ABCC11: variants seen among roughly 807,000 people sequenced by gnomAD.
ABCC11 encodes ATP-binding cassette sub-family C member 11.
Under a neutral mutation model 149.3 loss-of-function variants are expected in ABCC11, and 135 were observed. That is an observed-to-expected ratio of 0.90 (90% CI 0.79 to 1.04). The LOEUF is 1.04. Ranked by LOEUF, ABCC11 falls within the 50% of genes least tolerant of loss-of-function variation. The probability of loss-of-function intolerance (pLI) is 0.00; values close to 1 mark genes in which losing one functional copy is unlikely to be tolerated. For missense variants in ABCC11, 1,680 were observed against 1,722.1 expected (o/e 0.98, Z 0.43); for synonymous variants, 665 against 671.4 (o/e 0.99, Z 0.15).
intron 3 of ABCC11, 103 bp from the exon 4 acceptor site, chr16:48,228,067 A>G: frequency 9.0e-7 from 1 of 1,116,654 alleles, no homozygotes; most frequent in South Asian, 1.7e-5. Context: ...AGATCTACAC[A>G]CAAACATGTT....
At chr16:48,177,260 G>T in intron 24 of ABCC11, 147 bp from the exon 25 acceptor site, 1 of 799,676 alleles carries the variant, frequency 1.3e-6, no homozygotes, top group Non-Finnish European at 1.9e-6. Flanking sequence ...TGTAATCAGA[G>T]GAACATCGCC....
intron 22 of ABCC11, among the ~76,000 whole-genome samples, chr16:48,185,971 C>T (rs1340008161): frequency 6.6e-6 from 1 of 152,190 alleles, no homozygotes; most frequent in Admixed American, 6.5e-5. Context: ...ATCTCAGGGT[C>T]CTTTTCTCTG....
intron 26 of ABCC11, among the ~76,000 whole-genome samples, chr16:48,171,602 T>C (rs1260569559): frequency 6.6e-6 from 1 of 152,262 alleles, no homozygotes; most frequent in Non-Finnish European, 1.5e-5. Context: ...CTTAAAAGTG[T>C]ACAATTCAGC....
intron 22 of ABCC11, 53 bp downstream of exon 22, chr16:48,186,900 T>G: frequency 6.2e-7 from 1 of 1,602,768 alleles, no homozygotes; most frequent in Non-Finnish European, 8.5e-7. Flanking sequence ...CTTTCCCTGC[T>G]CCCCACCACC....
In ABCC11 at chr16:48,198,015, T is replaced by C. The variant is rs2150808765; in HGVS notation, c.2270A>G (p.Gln757Arg). ...CTCTTCCAGGGAGGTGGCCAGAGCCTGACTTTCTACCTTTGGCTTCTCTGC... is the reference window on the plus strand; with the variant it reads ...CTCTTCCAGGGAGGTGGCCAGAGCCCGACTTTCTACCTTTGGCTTCTCTGC... Reference protein sequence around the residue: ...KIAEKPKVESQALATSLEESL... With the variant: ...KIAEKPKVESRALATSLEESL... The change falls in exon 17 of 30, where the codon CAG becomes CGG. Residue 757 changes from glutamine (Q) to arginine (R), a missense_variant. Coordinates refer to ENST00000356608, the MANE Select transcript of ABCC11 (RefSeq NM_001370497.1). The C allele has an allele frequency of 1.2e-6, 2 of 1,614,218 alleles. No homozygotes were observed. Among genetic ancestry groups the C allele is most frequent in the Non-Finnish European group, 8.5e-7 (1 of 1,180,038 alleles).
In ABCC11 at chr16:48,187,438, A is replaced by G. The variant is rs766978109; in HGVS notation, c.2707-11T>C. On this transcript the variant is annotated splice_polypyrimidine_tract_variant and intron_variant, in intron 20 of 29. Transcript: ENST00000356608. The stretch of plus-strand genomic sequence containing the variant: ...GGGGCAGCGGAAAACCTGCAGGGAC[A>G]AAATCAACGCAGACCATGAGAGAAG... 1.1e-5 allele frequency: 18 copies of G among 1,596,674 alleles called. No individual in the cohort carries two copies. Among genetic ancestry groups the G allele is most frequent in the Admixed American group, 3.4e-5 (2 of 58,314 alleles).
At chr16:48,193,468 T>G (rs577939572) in intron 19 of ABCC11, among the ~76,000 whole-genome samples, 1 of 152,088 alleles carries the variant, frequency 6.6e-6, no homozygotes, top group Non-Finnish European at 1.5e-5. Context: ...CCTCTGAATG[T>G]GGGTGGGGAG....
At chr16:48,213,716 A>G (rs559183606) in intron 9 of ABCC11, among the ~76,000 whole-genome samples, 166 bp from the exon 10 acceptor site, 25 of 152,342 alleles carry the variant, frequency 1.6e-4, no homozygotes, top group Middle Eastern at 3.4e-3. Flanking sequence ...CTGGGGAAAG[A>G]GCACTCGTCC....
At chr16:48,205,684 C>T (rs1567519562) in intron 12 of ABCC11, 147 bp from the exon 13 acceptor site, 9 of 1,061,722 alleles carry the variant, frequency 8.5e-6, no homozygotes, top group Non-Finnish European at 1.2e-5. Flanking sequence ...GTGGCCCTAC[C>T]AGGCCCACCA....
chr16:48,186,698 T>TA (rs1405172538), intron 22 of ABCC11, among the ~76,000 whole-genome samples: 1 of 152,250 alleles, frequency 6.6e-6, no homozygotes, highest in East Asian at 1.9e-4. Flanking sequence ...TATGTATACA[T>TA]ATGTCCATAT....
chr16:48,167,448 G>GCAGC, intron 29 of ABCC11, 48 bp downstream of exon 29: 3 of 1,612,164 alleles, frequency 1.9e-6, no homozygotes, highest in Non-Finnish European at 2.5e-6. Context: ...ATCTGGGGTA[G>GCAGC]CAGCCTGAGC....
intron 1 of ABCC11, among the ~76,000 whole-genome samples, chr16:48,242,199 G>GA (rs1309371857): frequency 3.9e-5 from 6 of 152,128 alleles, no homozygotes; most frequent in South Asian, 2.1e-4. Context: ...AAGTTTACAA[G>GA]AAAAAATCAA....
chr16:48,194,312 G>A (rs925800528), intron 18 of ABCC11, among the ~76,000 whole-genome samples: 15 of 152,278 alleles, frequency 9.9e-5, no homozygotes, highest in African/African-American at 3.1e-4. Flanking sequence ...GAAGCACTCA[G>A]CCCAGTGCCT....
chr16:48,244,340 C>A, intron 1 of ABCC11: 1 of 1,368,658 alleles, frequency 7.3e-7, no homozygotes, highest in South Asian at 1.4e-5. Context: ...CCGGGGGCAG[C>A]TGTCTGTCTG....
intron 28 of ABCC11, among the ~76,000 whole-genome samples, chr16:48,168,425 C>G (rs755738694): frequency 2.0e-5 from 3 of 152,192 alleles, no homozygotes; most frequent in Non-Finnish European, 4.4e-5. Context: ...CCACTGAGCT[C>G]TTTTCCCACA....
intron 1 of ABCC11, among the ~76,000 whole-genome samples, chr16:48,240,079 G>A (rs963344993): frequency 1.3e-5 from 2 of 152,336 alleles, no homozygotes; most frequent in Admixed American, 6.5e-5. Flanking sequence ...GTTGGTGAGA[G>A]TGTAAATTAG....
intron 12 of ABCC11, among the ~76,000 whole-genome samples, chr16:48,206,640 G>A (rs919865479): frequency 1.3e-5 from 2 of 152,176 alleles, no homozygotes; most frequent in Admixed American, 1.3e-4. Context: ...AAAGTGACAG[G>A]CTCATTTACA....
intron 6 of ABCC11, among the ~76,000 whole-genome samples, chr16:48,221,067 C>T (rs1179558207): frequency 1.3e-5 from 2 of 152,088 alleles, no homozygotes; most frequent in Non-Finnish European, 2.9e-5. Context: ...GTGGGAGTGA[C>T]ATAAGCAAAG....
At position 48,169,916 on chromosome 16, in the gene ABCC11, A is replaced by G. The variant is rs1965592545; in HGVS notation, c.3891+189T>C. Reference sequence around the variant, plus strand: ...TGTACCCTAGAACTTAAAGTATAATAATAAAAAAAAGGAAATGAATAAGCC... The same window carrying G: ...TGTACCCTAGAACTTAAAGTATAATGATAAAAAAAAGGAAATGAATAAGCC... On this transcript the variant is annotated intron_variant, in intron 28 of 29. Transcript: ENST00000356608. 5.3e-5 allele frequency among the ~76,000 whole-genome samples: 8 copies of G among 152,100 alleles called. 1 individual carries two copies. The South Asian group carries it at 1.4e-3, about 28-fold the overall frequency.
Sources: allele counts gnomAD v4.1 joint callset (sites outside exome capture counted in the v4.1 genomes callset), GRCh38; gene constraint gnomAD v4.1.1; transcripts MANE v1.5; gene names NCBI Gene and HGNC (gene_info 2026-07-23, HGNC 2026-07-21).